Variants in ABCD3 observed in about 807,000 individuals in gnomAD.
The protein encoded by ABCD3 is ATP-binding cassette sub-family D member 3.
Under a neutral mutation model 105.5 loss-of-function variants are expected in ABCD3, and 41 were observed. The observed-to-expected ratio is 0.39, with a 90% confidence interval of 0.30 to 0.50. The LOEUF (loss-of-function observed/expected upper bound fraction) is 0.50. ABCD3 is among the 20% of genes least tolerant of loss of function. The pLI is 0.84. For synonymous variants in ABCD3, 258 were observed against 269.0 expected (o/e 0.96, Z 0.40); for missense variants, 622 against 806.3 (o/e 0.77, Z 2.77).
At chr1:94,459,041 CTTTTCTTCAAAA>C (rs1228901471) in intron 2 of ABCD3, among the ~76,000 whole-genome samples, 90 of 138,416 alleles carry the variant, frequency 6.5e-4, no homozygotes, top group African/African-American at 2.3e-3. Flanking sequence ...CTTTTCTTCT[CTTTTCTTCAAAA>C]TTTTCTTTTT....
At chr1:94,500,252 G>A (rs370089605) in intron 20 of ABCD3, among the ~76,000 whole-genome samples, 11 of 152,110 alleles carry the variant, frequency 7.2e-5, no homozygotes, top group African/African-American at 2.7e-4. Context: ...AGACCAGCCT[G>A]GGCAACATAG....
intron 15 of ABCD3, 60 bp downstream of exon 15, chr1:94,490,035 T>C: frequency 4.1e-6 from 6 of 1,455,316 alleles, no homozygotes; most frequent in Non-Finnish European, 5.8e-6. Flanking sequence ...ATAGTAGTCT[T>C]TCTTTTTCAG....
chr1:94,396,141 T>C, the ABCD3 span, among the ~76,000 whole-genome samples: 2 of 152,172 alleles, frequency 1.3e-5, no homozygotes, highest in East Asian at 3.9e-4. Context: ...ACTCAAACAA[T>C]AGATTCCAAT....
chr1:94,444,561 C>G (rs1360887560), intron 1 of ABCD3, among the ~76,000 whole-genome samples: 2 of 152,204 alleles, frequency 1.3e-5, no homozygotes, highest in Non-Finnish European at 2.9e-5. Flanking sequence ...TTTGTGAACA[C>G]TGCTTTAGTT....
At chr1:94,446,334 C>A (rs1410630253) in intron 1 of ABCD3, among the ~76,000 whole-genome samples, 1 of 152,184 alleles carries the variant, frequency 6.6e-6, no homozygotes, top group Non-Finnish European at 1.5e-5. Flanking sequence ...GGAACCCCTG[C>A]AAAAGGTCCC....
At chr1:94,486,725 T>G (rs1386583015) in intron 10 of ABCD3, among the ~76,000 whole-genome samples, 2 of 152,196 alleles carry the variant, frequency 1.3e-5, no homozygotes, top group Non-Finnish European at 2.9e-5. Context: ...TGACATTTAG[T>G]CAGAAATCCA....
chr1:94,496,924 C>T lies in ABCD3; in HGVS notation c.1387-1678C>T, dbSNP rs183361898. 4.2e-3 allele frequency among the ~76,000 whole-genome samples: 631 copies of T among 151,914 alleles called. 1 individual carries two copies. Among genetic ancestry groups the T allele is most frequent in the Non-Finnish European group, 7.2e-3 (491 of 67,926 alleles). Reference sequence around the variant, plus strand: ...CTGGGATTACAGGTGCCCGCCACTGCATCCAGCTAATTTTTGTATCTTTAG... The same window carrying T: ...CTGGGATTACAGGTGCCCGCCACTGTATCCAGCTAATTTTTGTATCTTTAG... On this transcript the variant is annotated intron_variant, in intron 16 of 22. Transcript: ENST00000370214.
At chr1:94,434,404 A>G (rs1220163975) in intron 1 of ABCD3, among the ~76,000 whole-genome samples, 2 of 152,210 alleles carry the variant, frequency 1.3e-5, no homozygotes, top group Non-Finnish European at 2.9e-5. Context: ...TATAGTAAAT[A>G]CATAAACAAG....
upstream of ABCD3, among the ~76,000 whole-genome samples, chr1:94,415,507 C>A (rs1424070383): frequency 6.6e-6 from 1 of 152,170 alleles, no homozygotes; most frequent in Non-Finnish European, 1.5e-5. Context: ...GAATTTTGTT[C>A]TCTAAAATCC....
At chr1:94,462,144 C>A (rs1315998147) in intron 2 of ABCD3, among the ~76,000 whole-genome samples, 1 of 151,982 alleles carries the variant, frequency 6.6e-6, no homozygotes, top group Non-Finnish European at 1.5e-5. Flanking sequence ...GATTTGTTTG[C>A]TTTTTCTATA....
intron 16 of ABCD3, among the ~76,000 whole-genome samples, chr1:94,497,962 A>T (rs1649900180): frequency 6.6e-6 from 1 of 152,252 alleles, no homozygotes; most frequent in South Asian, 2.1e-4. Flanking sequence ...GTACGTTTTC[A>T]TTTTTTTAAA....
At chr1:94,487,109 AC>A (rs995282833) in intron 10 of ABCD3, among the ~76,000 whole-genome samples, 1 of 152,160 alleles carries the variant, frequency 6.6e-6, no homozygotes, top group African/African-American at 2.4e-5. Context: ...TAAAGCACAG[AC>A]CATGTGTCTC....
Position 94,499,628 on chromosome 1 carries a change from G to T in ABCD3, c.1740+14G>T. 2 of 1,613,108 alleles carry T rather than the reference G, an allele frequency of 1.2e-6. No homozygotes were observed. The highest frequency in any genetic ancestry group is 2.2e-5 in the South Asian group (2 of 91,034). ...CAAAGAATGGCGGTAAGTATACTGT[G>T]AAGAAGTTGCACAAGAATGCAACTG... On this transcript the variant is annotated intron_variant, in intron 20 of 22. Coordinates refer to ENST00000370214, the MANE Select transcript of ABCD3 (RefSeq NM_002858.4).
chr1:94,509,965 A>G (rs1320813950), intron 21 of ABCD3, among the ~76,000 whole-genome samples: 1 of 152,092 alleles, frequency 6.6e-6, no homozygotes, highest in Non-Finnish European at 1.5e-5. Flanking sequence ...AATTTTTTGA[A>G]GGGCTTTTTA....
intron 21 of ABCD3, among the ~76,000 whole-genome samples, chr1:94,507,514 G>T (rs1650427333): frequency 6.6e-6 from 1 of 152,024 alleles, no homozygotes; most frequent in Non-Finnish European, 1.5e-5. Context: ...CCAGTAATGG[G>T]ATGGCTGGGT....
At chr1:94,502,030 G>A (rs1458352806) in intron 20 of ABCD3, among the ~76,000 whole-genome samples, 1 of 151,928 alleles carries the variant, frequency 6.6e-6, no homozygotes, top group African/African-American at 2.4e-5. Flanking sequence ...TCCAGGGTGT[G>A]GCCCATAGGA....
intron 2 of ABCD3, 38 bp downstream of exon 2, chr1:94,458,681 C>T (rs1392658903): frequency 6.4e-7 from 1 of 1,552,912 alleles, no homozygotes; most frequent in South Asian, 1.1e-5. Context: ...GGATTTCATG[C>T]ATTTATTTCA....
chr1:94,392,251 G>A, the ABCD3 span, among the ~76,000 whole-genome samples: 3 of 152,294 alleles, frequency 2.0e-5, no homozygotes, highest in South Asian at 2.1e-4. Context: ...CGTTCCCAGT[G>A]GAAGCCTTTA....
At chr1:94,439,191 A>G (rs773208948) in intron 1 of ABCD3, among the ~76,000 whole-genome samples, 57 of 152,184 alleles carry the variant, frequency 3.7e-4, no homozygotes, top group Non-Finnish European at 2.8e-4. Flanking sequence ...GTAAAATCCT[A>G]GGTTCACATT....
Sources: allele counts gnomAD v4.1 joint callset (sites outside exome capture counted in the v4.1 genomes callset), GRCh38; gene constraint gnomAD v4.1.1; transcripts MANE v1.5; gene names NCBI Gene and HGNC (gene_info 2026-07-23, HGNC 2026-07-21).